GRIK3: variants seen among roughly 807,000 people sequenced by gnomAD.
GRIK3 encodes the protein glutamate receptor ionotropic, kainate 3.
In GRIK3, 29 loss-of-function variants were observed where a neutral mutation model predicts 102.5. That is an observed-to-expected ratio of 0.28 (90% CI 0.21 to 0.39). The LOEUF (loss-of-function observed/expected upper bound fraction) is 0.39, where lower values mean the gene tolerates loss of function less well. Ranked by LOEUF, GRIK3 falls within the 10% of genes least tolerant of loss-of-function variation. GRIK3 has a pLI of 1.00. For synonymous variants in GRIK3, 511 were observed against 504.9 expected, an observed-to-expected ratio of 1.01 and a Z score of -0.16; for missense variants, 908 against 1,252.4, an observed-to-expected ratio of 0.73 and a Z score of 4.15.
rs115323841 is a variant in GRIK3 at position 36,859,976 on chromosome 1, G to A, written c.828C>T (p.Gly276=). The part of the protein sequence containing the change: ...ALDLEPYRYS[G]VNLTGFRILN... ...GAATCCGGAATCCTGTCAGGTTCAC[G>A]CCTGAGTAGCGGTAGGGCTCCAGGT... The change falls in exon 6 of 16, where the codon GGC becomes GGT. Residue 276 remains glycine, a synonymous_variant. Coordinates refer to ENST00000373091, the MANE Select transcript of GRIK3 (RefSeq NM_000831.4). 465 of 1,611,420 alleles carry A rather than the reference G, an allele frequency of 2.9e-4. 1 individual carries two copies. The African/African-American group carries it at 3.8e-3, about 13-fold the overall frequency.
At chr1:37,029,189 A>C (rs985234947) in intron 1 of GRIK3, among the ~76,000 whole-genome samples, 2 of 152,206 alleles carry the variant, frequency 1.3e-5, no homozygotes, top group Admixed American at 6.5e-5. Flanking sequence ...CCCCATCCGC[A>C]TCAGCTCCGT....
intron 1 of GRIK3, among the ~76,000 whole-genome samples, chr1:37,023,823 G>A (rs1396691624): frequency 6.6e-6 from 1 of 152,208 alleles, no homozygotes; most frequent in Non-Finnish European, 1.5e-5. Context: ...GGGAGGCAGT[G>A]GTTAGAAGAG....
chr1:36,966,755 G>C (rs1473332523), intron 1 of GRIK3, among the ~76,000 whole-genome samples: 3 of 150,704 alleles, frequency 2.0e-5, no homozygotes, highest in Non-Finnish European at 4.4e-5. Context: ...CCTCTTCCAG[G>C]ATACAGACCA....
At chr1:36,840,617 C>T (rs1027834216) in intron 10 of GRIK3, among the ~76,000 whole-genome samples, 2 of 150,092 alleles carry the variant, frequency 1.3e-5, no homozygotes, top group Admixed American at 6.6e-5. Context: ...GCCCCAGCTA[C>T]TCAGGAGACT....
chr1:36,906,204 G>A (rs1477452421), intron 1 of GRIK3, among the ~76,000 whole-genome samples: 1 of 152,234 alleles, frequency 6.6e-6, no homozygotes, highest in East Asian at 1.9e-4. Context: ...ACTAGCACAT[G>A]TGTGGTGCTC....
chr1:37,007,722 CTTCTT>C (rs1557461294), intron 1 of GRIK3, among the ~76,000 whole-genome samples: 1 of 152,236 alleles, frequency 6.6e-6, no homozygotes, highest in Non-Finnish European at 1.5e-5. Flanking sequence ...TCAACAATGA[CTTCTT>C]TACTTCATGG....
chr1:36,826,540 T>A (rs1192401358), intron 10 of GRIK3, among the ~76,000 whole-genome samples: 2 of 152,098 alleles, frequency 1.3e-5, no homozygotes. Flanking sequence ...CAGTGGCACG[T>A]GCCTGTAGTC....
intron 14 of GRIK3, among the ~76,000 whole-genome samples, chr1:36,805,674 T>C (rs150904398): frequency 0.01 from 1,578 of 152,206 alleles, 29 homozygotes; most frequent in African/African-American, 0.036. Context: ...CGGTGGCTCA[T>C]GCCTGTAATC....
At chr1:36,951,208 A>C (rs1207800740) in intron 1 of GRIK3, among the ~76,000 whole-genome samples, 1 of 152,246 alleles carries the variant, frequency 6.6e-6, no homozygotes, top group Non-Finnish European at 1.5e-5. Context: ...GGGTCAGGAC[A>C]TGTGAGCAGA....
At chr1:36,954,240 A>G (rs535620) in intron 1 of GRIK3, among the ~76,000 whole-genome samples, 100,713 of 152,086 alleles carry the variant, frequency 0.66, 33,921 homozygotes, top group East Asian at 0.93. Flanking sequence ...CACACCTTAC[A>G]TCTGAGCTCC....
intron 1 of GRIK3, among the ~76,000 whole-genome samples, chr1:36,932,381 G>A (rs1641600516): frequency 6.6e-6 from 1 of 152,148 alleles, no homozygotes. Context: ...TGGCCCCGTG[G>A]GACTTGGATG....
At chr1:36,853,762 T>C (rs2124231536) in intron 7 of GRIK3, 40 bp from the exon 8 acceptor site, 1 of 1,086,300 alleles carries the variant, frequency 9.2e-7, no homozygotes, top group Non-Finnish European at 1.4e-6. Flanking sequence ...TCCTCGGGCT[T>C]ATAAATCATC....
chr1:36,850,033 C>T lies in GRIK3; in HGVS notation c.1326+278G>A, dbSNP rs1640563378. The T allele has an allele frequency of 8.1e-6, 3 of 371,068 alleles. 1 individual carries two copies. In the South Asian group the frequency reaches 1.2e-4, roughly 15 times the overall value. The allele number at this position is 371,068 out of a possible 1,614,324, so 23.0% of individuals were successfully genotyped here. A position where few individuals can be genotyped will look rare whatever the true frequency, so the allele number is the denominator to read the frequency against. On this transcript the variant is annotated intron_variant, in intron 9 of 15. Transcript: ENST00000373091. The surrounding 1 kb of genome is among the most constrained non-coding windows in gnomAD (Gnocchi z 4.0). ...CAGGTTGCAATGGGCTGTCAAACCC[C>T]CTTAATTCCACCATCCAGCATGGTT...
At chr1:37,031,270 A>G (rs1642824846) in intron 1 of GRIK3, among the ~76,000 whole-genome samples, 1 of 152,176 alleles carries the variant, frequency 6.6e-6, no homozygotes, top group Non-Finnish European at 1.5e-5. Flanking sequence ...CAATCCAATC[A>G]TTCTCTCTCC....
chr1:36,825,056 T>C (rs1642740816), intron 11 of GRIK3, among the ~76,000 whole-genome samples: 2 of 152,194 alleles, frequency 1.3e-5, no homozygotes, highest in African/African-American at 4.8e-5. Context: ...GGGTGCGCTA[T>C]GTCTACTTTA....
At chr1:36,805,513 A>C (rs1642489338) in intron 14 of GRIK3, among the ~76,000 whole-genome samples, 1 of 152,224 alleles carries the variant, frequency 6.6e-6, no homozygotes, top group African/African-American at 2.4e-5. Context: ...GGGCAGGGGC[A>C]GGAGAGGGAA....
intron 1 of GRIK3, among the ~76,000 whole-genome samples, chr1:36,892,211 AT>A (rs1641125636): frequency 6.6e-6 from 1 of 152,054 alleles, no homozygotes; most frequent in Non-Finnish European, 1.5e-5. Context: ...TAGAGATGGG[AT>A]TTCACCATGT....
At chr1:36,925,210 G>T (rs963684765) in intron 1 of GRIK3, among the ~76,000 whole-genome samples, 11 of 152,128 alleles carry the variant, frequency 7.2e-5, no homozygotes, top group African/African-American at 2.7e-4. Flanking sequence ...GCACACAGAG[G>T]CAAACTTGAA....
intron 1 of GRIK3, among the ~76,000 whole-genome samples, chr1:36,956,937 T>G (rs1641918627): frequency 6.6e-6 from 1 of 152,276 alleles, no homozygotes; most frequent in Non-Finnish European, 1.5e-5. Context: ...TCATTCACTG[T>G]CCTGTGAGTA....
Sources: gnomAD v4.1 joint callset for allele counts (sites outside exome capture counted in the v4.1 genomes callset) on GRCh38, gnomAD v4.1.1 for gene constraint, Gnocchi (gnomAD v3.1) non-coding constraint, MANE v1.5 for transcripts, NCBI Gene and HGNC (gene_info 2026-07-23, HGNC 2026-07-21) for gene names.